The following ERCC8 variants were observed in gnomAD, a reference collection of about 807,000 sequenced individuals.
ERCC8 encodes the protein ERCC excision repair 8, CSA ubiquitin ligase complex subunit.
Under a neutral mutation model 54.9 loss-of-function variants are expected in ERCC8, and 52 were observed. The observed-to-expected ratio is 0.95, with a 90% confidence interval of 0.76 to 1.19. The LOEUF (loss-of-function observed/expected upper bound fraction) is 1.19. ERCC8 is among the 50% of genes most tolerant of loss of function. ERCC8 has a pLI of 0.00. For synonymous variants in ERCC8, 146 were observed against 157.2 expected (o/e 0.93, Z 0.53); for missense variants, 514 against 466.1 (o/e 1.10, Z -0.95).
intron 11 of ERCC8, among the ~76,000 whole-genome samples, chr5:60,883,074 C>A (rs905245958): frequency 5.9e-5 from 9 of 151,692 alleles, no homozygotes; most frequent in African/African-American, 2.2e-4. Context: ...CAGTGTGTAA[C>A]CTATTAAAAA....
intron 3 of ERCC8, among the ~76,000 whole-genome samples, chr5:60,919,178 GTCTTTA>G (rs535102334): frequency 3.8e-4 from 58 of 151,984 alleles, no homozygotes; most frequent in Non-Finnish European, 7.5e-4. Context: ...TGCTCATAAA[GTCTTTA>G]TCTTTTAGAG....
chr5:60,936,319 T>C (rs1238035984), intron 1 of ERCC8, among the ~76,000 whole-genome samples: 1 of 152,200 alleles, frequency 6.6e-6, no homozygotes, highest in Non-Finnish European at 1.5e-5. Context: ...ATGTTGATAG[T>C]AGCCTTGAAT....
At chr5:60,938,350 A>AT (rs1231887020) in intron 1 of ERCC8, among the ~76,000 whole-genome samples, 13,431 of 40,796 alleles carry the variant, frequency 0.33, 963 homozygotes, top group South Asian at 0.42. Flanking sequence ...ACCTTTTTGA[A>AT]TTTTTTTTTT....
Position 60,904,634 on chromosome 5 carries a change from G to GTATATATA in ERCC8, c.481+150_481+157dup, listed in dbSNP as rs869039109. On this transcript the variant is annotated intron_variant, in intron 5 of 11. Coordinates refer to ENST00000676185, the MANE Select transcript of ERCC8 (RefSeq NM_000082.4). ...TTGAATATATATAGTGTGTGTGTGT[G>GTATATATA]TATATATATATATATATATATATAT... is the stretch of plus-strand genomic sequence containing the variant. Among the ~76,000 whole-genome samples the GTATATATA allele has an allele frequency of 2.0e-3, 102 of 49,822 alleles. 1 individual carries two copies. The highest frequency in any genetic ancestry group is 5.3e-3 in the African/African-American group (62 of 11,804). 32.7% of individuals were successfully genotyped at this position (49,822 alleles called of 152,430 possible).
In ERCC8 at chr5:60,868,522, G is replaced by T. The variant is rs1747799637; in HGVS notation, c.*6093C>A. 6.6e-6 allele frequency among the ~76,000 whole-genome samples: 1 copy of T among 152,070 alleles called. No homozygotes were observed. The highest frequency in any genetic ancestry group is 2.4e-5 in the African/African-American group (1 of 41,404). On this transcript the variant is annotated 3_prime_UTR_variant, in exon 12 of 12. Transcript: ENST00000676185. ...GAAATTTTAATTGTCTAATTATTAG[G>T]TTGGTGCAAAAGTAATTGCAGTTTT...
intron 4 of ERCC8, among the ~76,000 whole-genome samples, chr5:60,912,053 T>C (rs1371868900): frequency 1.3e-5 from 2 of 151,826 alleles, no homozygotes; most frequent in Non-Finnish European, 2.9e-5. Flanking sequence ...TCTTTTGGCT[T>C]AGGATTGTCT....
At position 60,867,574 on chromosome 5, in the gene ERCC8, TTAA is replaced by T. The variant is rs1386052633; in HGVS notation, c.*7038_*7040del. Among the ~76,000 whole-genome samples the T allele has an allele frequency of 6.6e-6, 1 of 152,232 alleles. No homozygotes were observed. Among genetic ancestry groups the T allele is most frequent in the African/African-American group, 2.4e-5 (1 of 41,466 alleles). ...AACCATTAGAATATTACAATAAAAGTTAATAACTCAGTTCTCAAAGACTTATTA... is the reference window on the plus strand; with the variant it reads ...AACCATTAGAATATTACAATAAAAGTTAACTCAGTTCTCAAAGACTTATTA... On this transcript the variant is annotated 3_prime_UTR_variant, in exon 12 of 12. Transcript: ENST00000676185.
intron 4 of ERCC8, among the ~76,000 whole-genome samples, chr5:60,911,650 C>T (rs1749268855): frequency 6.6e-6 from 1 of 152,178 alleles, no homozygotes; most frequent in Non-Finnish European, 1.5e-5. Context: ...GTGTTTTAGA[C>T]ATGAAGTCCT....
At chr5:60,903,386 G>T in intron 6 of ERCC8, 2 of 427,448 alleles carry the variant, frequency 4.7e-6, no homozygotes, top group Non-Finnish European at 8.2e-6. Context: ...TTTTAATGTA[G>T]AAATAACACA....
At chr5:60,897,220 C>G (rs373748450) in intron 9 of ERCC8, among the ~76,000 whole-genome samples, 2 of 152,284 alleles carry the variant, frequency 1.3e-5, no homozygotes, top group East Asian at 3.9e-4. Flanking sequence ...TGAAGCCTAC[C>G]CTGACTTCCC....
At position 60,867,493 on chromosome 5, in the gene ERCC8, G is replaced by A. The variant is rs767103145; in HGVS notation, c.*7122C>T. The stretch of plus-strand genomic sequence containing the variant: ...TTTAATGTCCATAGTGATCATCACT[G>A]AGTTATTCTAATAACTTTTTCCATA... On this transcript the variant is annotated 3_prime_UTR_variant, in exon 12 of 12. Coordinates refer to ENST00000676185, the MANE Select transcript of ERCC8 (RefSeq NM_000082.4). Among the ~76,000 whole-genome samples, 4 of 152,286 alleles carry A rather than the reference G, an allele frequency of 2.6e-5. No homozygotes were observed. Among genetic ancestry groups the A allele is most frequent in the South Asian group, 2.1e-4 (1 of 4,826 alleles).
At chr5:60,886,893 C>T (rs4647132) in intron 11 of ERCC8, among the ~76,000 whole-genome samples, 58,820 of 151,592 alleles carry the variant, frequency 0.39, 12,388 homozygotes, top group East Asian at 0.8. Context: ...AACAGAAATG[C>T]CTCCAAGTAG....
chr5:60,944,716 A>T (rs926931761), intron 1 of ERCC8, among the ~76,000 whole-genome samples: 1 of 51,434 alleles, frequency 1.9e-5, no homozygotes, highest in African/African-American at 7.3e-5. Flanking sequence ...CCCCCCCCCC[A>T]CCCCCGGGGA....
At chr5:60,933,647 A>G (rs538995667) in intron 1 of ERCC8, among the ~76,000 whole-genome samples, 1 of 152,068 alleles carries the variant, frequency 6.6e-6, no homozygotes, top group South Asian at 2.1e-4. Flanking sequence ...TTCAGTGGTG[A>G]TTTCTGAGAT....
chr5:60,899,934 A>G (rs904033087), intron 7 of ERCC8, among the ~76,000 whole-genome samples: 10 of 152,044 alleles, frequency 6.6e-5, no homozygotes, highest in Non-Finnish European at 7.4e-5. Flanking sequence ...CAAAAAAAAA[A>G]AGTAACCTTT....
At chr5:60,889,220 C>G (rs550556668) in intron 10 of ERCC8, among the ~76,000 whole-genome samples, 2 of 152,156 alleles carry the variant, frequency 1.3e-5, no homozygotes, top group Non-Finnish European at 2.9e-5. Flanking sequence ...TAAAATTAAT[C>G]TTTTTAGTTT....
chr5:60,918,922 C>T (rs558737345), intron 3 of ERCC8, among the ~76,000 whole-genome samples: 12 of 152,138 alleles, frequency 7.9e-5, no homozygotes, highest in African/African-American at 2.6e-4. Flanking sequence ...TCCATAAAAA[C>T]ATAACATGTT....
At chr5:60,917,377 G>A (rs1476197975) in intron 4 of ERCC8, 1 of 152,112 alleles carries the variant, frequency 6.6e-6, no homozygotes, top group Non-Finnish European at 1.5e-5. Context: ...AGGATTGAAG[G>A]AACAAGGGTT....
intron 7 of ERCC8, among the ~76,000 whole-genome samples, chr5:60,901,442 T>A (rs2112490117): frequency 6.6e-6 from 1 of 152,102 alleles, no homozygotes; most frequent in East Asian, 1.9e-4. Flanking sequence ...CTTAATCAGC[T>A]CCCTCACTCT....
Sources: allele counts gnomAD v4.1 joint callset (sites outside exome capture counted in the v4.1 genomes callset), GRCh38; gene constraint gnomAD v4.1.1; transcripts MANE v1.5; gene names NCBI Gene and HGNC (gene_info 2026-07-23, HGNC 2026-07-21).